The following WDR76 variants were observed in gnomAD, a reference collection of about 807,000 sequenced individuals.
The protein encoded by WDR76 is WD repeat domain 76, also known as WD repeat-containing protein 76.
A neutral mutation model predicts 70.2 loss-of-function variants in WDR76; 52 were observed. That is an observed-to-expected ratio of 0.74 (90% CI 0.59 to 0.93). WDR76 has a LOEUF of 0.93. Among genes scored for constraint, WDR76 ranks in the 40% least tolerant of loss-of-function variants. The pLI, the probability that WDR76 is intolerant of heterozygous loss-of-function variation, is 0.00. For missense variants in WDR76, 756 were observed against 760.2 expected, an observed-to-expected ratio of 0.99 and a Z score of 0.07; for synonymous variants, 292 against 271.1, an observed-to-expected ratio of 1.08 and a Z score of -0.76.
rs764287674 is a variant in WDR76, at chr15:43,851,178, A to T, written c.1124A>T (p.His375Leu). The T allele has an allele frequency of 4.3e-6, 7 of 1,614,078 alleles. No homozygotes were observed. In the East Asian group the frequency reaches 1.3e-4, roughly 31 times the overall value. ...TACTTCTCACCCGCCAATCCGGCCC[A>T]CATACTGTCACTGAGCTATGATGGC... ...CLYFSPANPA[H>L]ILSLSYDGTL... Residue 375 changes from histidine (H) to leucine (L), a missense_variant, in exon 9 of 13, where the codon CAC (histidine) becomes CTC (leucine). By Grantham distance (99) the His-to-Leu change is moderately conservative (BLOSUM62 -3). Transcript: ENST00000263795.
At chr15:43,860,260 C>A (rs1164170468) in intron 11 of WDR76, among the ~76,000 whole-genome samples, 1 of 152,168 alleles carries the variant, frequency 6.6e-6, no homozygotes, top group East Asian at 1.9e-4. Context: ...AACCAAAACA[C>A]AACTCCTCTC....
intron 12 of WDR76, chr15:43,864,110 G>C (rs1284615506): frequency 6.6e-6 from 1 of 152,136 alleles, no homozygotes; most frequent in Non-Finnish European, 1.5e-5. Context: ...TCCACGACAG[G>C]ATTTTCTTGT....
At position 43,828,128 on chromosome 15, in the gene WDR76, C is replaced by A; in HGVS notation, c.224C>A (p.Ser75Tyr). ...CCCAAATCCCTATCAGAAAAGAATT[C>A]TAACAATGAAGTGGCGTGTAAGAAG... ...MCPKSLSEKN[S>Y]NNEVACKKTK... The change falls in exon 2 of 13, where the codon TCT (serine) becomes TAT (tyrosine). Residue 75 changes from serine to tyrosine, a missense_variant. Ser to Tyr is a moderately radical substitution (Grantham distance 144). Transcript: ENST00000263795. The A allele has an allele frequency of 6.2e-7, 1 of 1,614,154 alleles. No individual in the cohort carries two copies. Among genetic ancestry groups the A allele is most frequent in the South Asian group, 1.1e-5 (1 of 91,074 alleles).
At chr15:43,838,405 G>A (rs1421700876) in intron 4 of WDR76, among the ~76,000 whole-genome samples, 1 of 150,858 alleles carries the variant, frequency 6.6e-6, no homozygotes, top group Non-Finnish European at 1.5e-5. Flanking sequence ...AGGCTGGTCT[G>A]GAACTCTGGA....
chr15:43,852,467 G>A (rs1387295426), intron 9 of WDR76, among the ~76,000 whole-genome samples: 3 of 152,126 alleles, frequency 2.0e-5, no homozygotes, highest in Non-Finnish European at 4.4e-5. Flanking sequence ...CGCCTCCCAG[G>A]TTCAAGTGAT....
chr15:43,827,187 C>A, intron 1 of WDR76, 95 bp downstream of exon 1: 1 of 1,521,716 alleles, frequency 6.6e-7, no homozygotes, highest in African/African-American at 1.4e-5. Flanking sequence ...GGGCACCTGG[C>A]ACCGGGGGTA....
intron 2 of WDR76, among the ~76,000 whole-genome samples, chr15:43,831,808 G>A (rs564738134): frequency 2.6e-5 from 4 of 152,108 alleles, no homozygotes; most frequent in Non-Finnish European, 5.9e-5. Context: ...GTGTATACGA[G>A]GCAAATACTT....
chr15:43,846,797 C>T (rs943133898), intron 8 of WDR76, among the ~76,000 whole-genome samples: 37 of 151,974 alleles, frequency 2.4e-4, no homozygotes, highest in African/African-American at 6.8e-4. Flanking sequence ...CAAGGTTTGG[C>T]GGATCACCTG....
chr15:43,829,193 C>T (rs1275189002), intron 2 of WDR76, among the ~76,000 whole-genome samples: 2 of 152,198 alleles, frequency 1.3e-5, no homozygotes, highest in East Asian at 3.9e-4. Context: ...AGCCACTGCG[C>T]CCAGCCTGGT....
intron 9 of WDR76, 69 bp downstream of exon 9, chr15:43,851,314 A>G (rs963161200): frequency 6.3e-7 from 1 of 1,577,272 alleles, no homozygotes; most frequent in Non-Finnish European, 8.6e-7. Context: ...CCACATGAAT[A>G]ATTATTATAC....
rs114482922 is a variant in WDR76, at chr15:43,835,092, A to C, written c.494A>C (p.Lys165Thr). The change falls in exon 3 of 13, where the codon AAG becomes ACG. Residue 165 changes from lysine (K) to threonine (T), a missense_variant. Coordinates refer to ENST00000263795, the MANE Select transcript of WDR76 (RefSeq NM_024908.4). ...DFSGLSPYER[K>T]RLKNISENAD... is the part of the protein sequence containing the mutation. ...TCGGGATTGTCACCCTACGAAAGGA[A>C]GAGACTGAAGAACATATCAGAAAAC... is the stretch of plus-strand genomic sequence containing the variant. The C allele has an allele frequency of 8.7e-4, 1,409 of 1,614,170 alleles. 13 individuals carry two copies. The African/African-American group carries it at 0.017, about 20-fold the overall frequency.
At chr15:43,842,391 A>T in intron 5 of WDR76, 24 bp from the exon 6 acceptor site, 1 of 1,607,876 alleles carries the variant, frequency 6.2e-7, no homozygotes. Context: ...AGCCCAACAA[A>T]TAACTTTTTA....
chr15:43,829,659 A>G (rs982958661), intron 2 of WDR76, among the ~76,000 whole-genome samples: 1 of 151,820 alleles, frequency 6.6e-6, no homozygotes, highest in African/African-American at 2.4e-5. Flanking sequence ...GGCGCCCGCC[A>G]CCATGCCCGG....
chr15:43,856,757 T>A (rs970924323), intron 9 of WDR76, among the ~76,000 whole-genome samples, 189 bp from the exon 10 acceptor site: 10 of 152,096 alleles, frequency 6.6e-5, no homozygotes, highest in African/African-American at 2.2e-4. Context: ...TGATAAATAT[T>A]GAAGGTAATG....
rs756299510 is a variant in WDR76 at position 43,842,430 on chromosome 15, G to A, written c.748G>A (p.Gly250Arg). ...TTTATAACAGCCTTTGTTACCTCCT[G>A]GGCCTTTAGAAATGACTTCTGAAAA... The part of the protein sequence containing the change: ...VADETPLLPP[G>R]PLEMTSENQE... The change falls in exon 6 of 13, where the codon GGG (glycine) becomes AGG (arginine). Residue 250 changes from glycine to arginine, a missense_variant. Physicochemically the swap from Gly to Arg is moderately radical, Grantham distance 125. Coordinates refer to ENST00000263795, the MANE Select transcript of WDR76 (RefSeq NM_024908.4). 5 of 1,613,730 alleles carry A rather than the reference G, an allele frequency of 3.1e-6. No homozygotes were observed. The highest frequency in any genetic ancestry group is 4.2e-6 in the Non-Finnish European group (5 of 1,179,952).
At chr15:43,842,906 C>T (rs2087743577) in intron 7 of WDR76, among the ~76,000 whole-genome samples, 1 of 151,926 alleles carries the variant, frequency 6.6e-6, no homozygotes, top group South Asian at 2.1e-4. Flanking sequence ...CAGAACAGTG[C>T]CTGGCACATA....
At chr15:43,859,292 CCTTCCTATAGCTA>C (rs1193458239) in intron 11 of WDR76, among the ~76,000 whole-genome samples, 2 of 152,120 alleles carry the variant, frequency 1.3e-5, no homozygotes, top group African/African-American at 4.8e-5. Flanking sequence ...AGCTTTAGTA[CCTTCCTATAGCTA>C]CTTCCTAAAA....
chr15:43,834,612 A>G (rs566805247), intron 2 of WDR76, among the ~76,000 whole-genome samples: 1 of 151,928 alleles, frequency 6.6e-6, no homozygotes, highest in South Asian at 2.1e-4. Flanking sequence ...ACGTCTGACC[A>G]ACTTTTATAT....
At chr15:43,839,579 A>T in intron 4 of WDR76, 26 bp from the exon 5 acceptor site, 2 of 1,593,562 alleles carry the variant, frequency 1.3e-6, no homozygotes, top group Non-Finnish European at 1.7e-6. Flanking sequence ...TGTGAGTATA[A>T]CATGAGTTTT....
Sources: gnomAD v4.1 joint callset for allele counts (sites outside exome capture counted in the v4.1 genomes callset) on GRCh38, gnomAD v4.1.1 for gene constraint, MANE v1.5 for transcripts, NCBI Gene and HGNC (gene_info 2026-07-23, HGNC 2026-07-21) for gene names.